The following SLCO4C1 variants were observed in gnomAD, a reference collection of about 807,000 sequenced individuals.
The protein encoded by SLCO4C1 is solute carrier organic anion transporter family member 4C1.
SLCO4C1 carries 58 observed loss-of-function variants against 72.1 expected under a neutral mutation model. The observed-to-expected ratio is 0.80, with a 90% CI of 0.65 to 1.00. The LOEUF (loss-of-function observed/expected upper bound fraction) is 1.00. Among genes scored for constraint, SLCO4C1 ranks in the 50% least tolerant of loss-of-function variants. The probability of loss-of-function intolerance (pLI) is 0.00; values close to 1 mark genes in which losing one functional copy is unlikely to be tolerated. For synonymous variants in SLCO4C1, 297 were observed against 312.5 expected (o/e 0.95, Z 0.52); for missense variants, 898 against 857.9 (o/e 1.05, Z -0.58).
chr5:102,248,527 TG>T (rs1418698651), intron 9 of SLCO4C1, among the ~76,000 whole-genome samples: 1 of 152,146 alleles, frequency 6.6e-6, no homozygotes, highest in Non-Finnish European at 1.5e-5. Flanking sequence ...TTTTCTGTGT[TG>T]TTCCCTTGTG....
At chr5:102,247,478 C>T (rs752117045) in intron 9 of SLCO4C1, 36 bp from the exon 10 acceptor site, 7 of 1,343,144 alleles carry the variant, frequency 5.2e-6, no homozygotes, top group Non-Finnish European at 7.1e-6. Flanking sequence ...TGAAAGTGAT[C>T]ATTTAGAAAA....
chr5:102,257,837 T>A, intron 7 of SLCO4C1, 106 bp downstream of exon 7: 1 of 1,078,324 alleles, frequency 9.3e-7, no homozygotes, highest in Non-Finnish European at 1.3e-6. Flanking sequence ...CCGGGCTGGT[T>A]TTAGTTTAAA....
At chr5:102,243,245 T>A (rs1220497644) in intron 10 of SLCO4C1, among the ~76,000 whole-genome samples, 1 of 152,182 alleles carries the variant, frequency 6.6e-6, no homozygotes, top group African/African-American at 2.4e-5. Flanking sequence ...TGGGTGGCAC[T>A]TCTAGACCCA....
At chr5:102,272,522 T>A (rs566475780) in intron 2 of SLCO4C1, among the ~76,000 whole-genome samples, 1 of 152,196 alleles carries the variant, frequency 6.6e-6, no homozygotes, top group East Asian at 1.9e-4. Flanking sequence ...AACAAATGGC[T>A]AGTAAGGGAG....
intron 2 of SLCO4C1, among the ~76,000 whole-genome samples, chr5:102,285,258 TAC>T (rs1246320604): frequency 4.1e-4 from 60 of 147,744 alleles, no homozygotes; most frequent in African/African-American, 1.4e-3. Context: ...CACACATATA[TAC>T]ACACACACAC....
At chr5:102,268,820 C>T (rs1269922637) in intron 3 of SLCO4C1, among the ~76,000 whole-genome samples, 2 of 152,210 alleles carry the variant, frequency 1.3e-5, no homozygotes, top group African/African-American at 4.8e-5. Flanking sequence ...CTCCTTTAAG[C>T]ATTTTTTGTA....
rs1301886895 is a variant in SLCO4C1 at position 102,238,339 on chromosome 5, A to G, written c.2014+912T>C. On this transcript the variant is annotated intron_variant, in intron 12 of 12. Transcript: ENST00000310954. ...GATTGTGGTAAAAATATATAATTTT[A>G]AAAATTGAATAAAAAATGGTTTTTA... 3.3e-5 allele frequency among the ~76,000 whole-genome samples: 5 copies of G among 152,166 alleles called. No individual in the cohort carries two copies. In the East Asian group the frequency reaches 9.6e-4, roughly 29 times the overall value.
Position 102,247,451 on chromosome 5 carries a change from AT to A in SLCO4C1, c.1621-10del. The stretch of plus-strand genomic sequence containing the variant: ...GAACAGTTGTAATATACCTAAAAAT[AT>A]TAGACATAAAAACAATGAAAGTGAT... On this transcript the variant is annotated splice_polypyrimidine_tract_variant and intron_variant, in intron 9 of 12. Transcript: ENST00000310954. 6.8e-7 allele frequency: 1 copy of A among 1,479,120 alleles called. No individual in the cohort carries two copies. The highest frequency in any genetic ancestry group is 1.3e-5 in the South Asian group (1 of 75,000). 91.6% of individuals were successfully genotyped at this position (1,479,120 alleles called of 1,614,324 possible).
chr5:102,286,733 T>C (rs1749459011), intron 2 of SLCO4C1, among the ~76,000 whole-genome samples: 1 of 152,128 alleles, frequency 6.6e-6, no homozygotes. Flanking sequence ...TGCTTATGTC[T>C]TTCTAAAAGC....
intron 2 of SLCO4C1, among the ~76,000 whole-genome samples, chr5:102,283,384 T>C (rs1028319093): frequency 2.0e-5 from 3 of 151,964 alleles, no homozygotes; most frequent in Non-Finnish European, 4.4e-5. Context: ...AAACTTAAAC[T>C]CACTTATTTC....
intron 10 of SLCO4C1, 134 bp downstream of exon 10, chr5:102,247,118 A>G (rs1748649257): frequency 5.6e-6 from 3 of 536,238 alleles, no homozygotes; most frequent in Non-Finnish European, 9.0e-6. Flanking sequence ...CCAATGCCAC[A>G]GAACTAATGA....
intron 8 of SLCO4C1, among the ~76,000 whole-genome samples, chr5:102,251,053 G>A (rs988984895): frequency 3.3e-5 from 5 of 152,072 alleles, no homozygotes; most frequent in African/African-American, 1.2e-4. Context: ...AAGGGGAAAC[G>A]TACTTCAGAA....
At chr5:102,285,846 G>A (rs1028523459) in intron 2 of SLCO4C1, among the ~76,000 whole-genome samples, 3 of 151,874 alleles carry the variant, frequency 2.0e-5, no homozygotes, top group Admixed American at 1.3e-4. Context: ...AGTGACTTCC[G>A]TAAAGTAAAA....
chr5:102,273,298 G>A lies in SLCO4C1; in HGVS notation c.620-2492C>T, dbSNP rs948767349. ...TAAATATGTTTAAAGGTAAAATTAA[G>A]GAAAATTTTCTATAATTAAAATTGA... is the stretch of plus-strand genomic sequence containing the variant. On this transcript the variant is annotated intron_variant, in intron 2 of 12. Coordinates refer to ENST00000310954, the MANE Select transcript of SLCO4C1 (RefSeq NM_180991.5). 3.9e-5 allele frequency among the ~76,000 whole-genome samples: 6 copies of A among 151,954 alleles called. 1 individual carries two copies. Among genetic ancestry groups the A allele is most frequent in the Admixed American group, 3.9e-4 (6 of 15,260 alleles).
In SLCO4C1 at chr5:102,236,936, C is replaced by G. The variant is rs1207558521; in HGVS notation, c.2097G>C (p.Val699=). 1.2e-6 allele frequency: 2 copies of G among 1,612,490 alleles called. No individual in the cohort carries two copies. The highest frequency in any genetic ancestry group is 4.5e-5 in the East Asian group (2 of 44,760). Residue 699 remains valine (V), a synonymous_variant, in exon 13 of 13, where the codon GTG becomes GTC. Coordinates refer to ENST00000310954, the MANE Select transcript of SLCO4C1 (RefSeq NM_180991.5). ...CAACTGCATTCTCTTTATGAAATGACACATCTGTGGCTGATGGAGGTGGTT... is the reference window on the plus strand; with the variant it reads ...CAACTGCATTCTCTTTATGAAATGAGACATCTGTGGCTGATGGAGGTGGTT... ...LYKPPPSATD[V]SFHKENAVVT... is the part of the protein sequence containing the mutation.
At chr5:102,252,662 C>A (rs1483526755) in intron 8 of SLCO4C1, among the ~76,000 whole-genome samples, 1 of 152,090 alleles carries the variant, frequency 6.6e-6, no homozygotes, top group African/African-American at 2.4e-5. Flanking sequence ...TGAGATCATA[C>A]AAAGTATAAG....
chr5:102,257,561 A>G (rs1326310287), intron 7 of SLCO4C1, among the ~76,000 whole-genome samples: 1 of 152,106 alleles, frequency 6.6e-6, no homozygotes, highest in African/African-American at 2.4e-5. Flanking sequence ...TAGTTCATAC[A>G]AAAGATTGCC....
At chr5:102,242,386 T>C (rs1456352999) in intron 10 of SLCO4C1, among the ~76,000 whole-genome samples, 1 of 152,154 alleles carries the variant, frequency 6.6e-6, no homozygotes. Flanking sequence ...GTCCTGGTAT[T>C]ACTCCTCCAC....
chr5:102,239,142 T>G, intron 12 of SLCO4C1, 109 bp downstream of exon 12: 2 of 984,524 alleles, frequency 2.0e-6, no homozygotes, highest in Non-Finnish European at 1.4e-6. Flanking sequence ...GGTTCAACAA[T>G]GTGGACTGAA....
Sources: allele counts gnomAD v4.1 joint callset (sites outside exome capture counted in the v4.1 genomes callset), GRCh38; gene constraint gnomAD v4.1.1; transcripts MANE v1.5; gene names NCBI Gene and HGNC (gene_info 2026-07-23, HGNC 2026-07-21).